The following SPART variants were observed in gnomAD, a reference collection of about 807,000 sequenced individuals.
The protein encoded by SPART is spastic paraplegia 20 (Troyer syndrome).
In SPART, 35 loss-of-function variants were observed where a neutral mutation model predicts 58.7. That is an observed-to-expected ratio of 0.60 (90% CI 0.46 to 0.79). The LOEUF is 0.79. Among genes scored for constraint, SPART ranks in the 30% least tolerant of loss-of-function variants. The pLI is 0.00. For missense variants in SPART, 730 were observed against 786.1 expected (o/e 0.93, Z 0.85); for synonymous variants, 284 against 280.7 (o/e 1.01, Z -0.12).
chr13:36,349,010 T>A (rs1218111307), upstream of SPART, among the ~76,000 whole-genome samples: 1 of 152,166 alleles, frequency 6.6e-6, no homozygotes, highest in Non-Finnish European at 1.5e-5. Flanking sequence ...ACACCTGTAA[T>A]CCCAGCACTT....
intron 5 of SPART, among the ~76,000 whole-genome samples, chr13:36,314,655 G>A (rs984205311): frequency 6.6e-6 from 1 of 152,200 alleles, no homozygotes; most frequent in African/African-American, 2.4e-5. Context: ...GAAGGCCTGA[G>A]ATTTAGTGGC....
intron 1 of SPART, among the ~76,000 whole-genome samples, chr13:36,357,150 G>A (rs763955084): frequency 1.3e-5 from 2 of 152,200 alleles, no homozygotes; most frequent in African/African-American, 4.8e-5. Context: ...GAGTGAGGCA[G>A]AGCGTGGATG....
At chr13:36,355,292 C>T (rs1421688452) in intron 1 of SPART, among the ~76,000 whole-genome samples, 3 of 152,148 alleles carry the variant, frequency 2.0e-5, no homozygotes, top group Non-Finnish European at 4.4e-5. Flanking sequence ...TCCTGAGTAA[C>T]TGGGATTACA....
At chr13:36,366,226 G>T (rs1593298737) in intron 1 of SPART, among the ~76,000 whole-genome samples, 1 of 152,236 alleles carries the variant, frequency 6.6e-6, no homozygotes, top group East Asian at 1.9e-4. Flanking sequence ...CTCCAGCTGT[G>T]CCACACTTTA....
intron 8 of SPART, chr13:36,308,288 G>A (rs982199645): frequency 5.3e-5 from 8 of 152,194 alleles, no homozygotes; most frequent in African/African-American, 1.9e-4. Flanking sequence ...GTATTACTTA[G>A]ATAAAATCTT....
chr13:36,305,318 C>T (rs1880409322), intron 8 of SPART, among the ~76,000 whole-genome samples: 1 of 152,118 alleles, frequency 6.6e-6, no homozygotes, highest in Non-Finnish European at 1.5e-5. Context: ...CCCACCTCCA[C>T]CTCTTGACAA....
intron 5 of SPART, among the ~76,000 whole-genome samples, chr13:36,325,624 G>T (rs1362976899): frequency 6.6e-6 from 1 of 152,174 alleles, no homozygotes; most frequent in Non-Finnish European, 1.5e-5. Flanking sequence ...AAATCAGAGA[G>T]TTACTACAGC....
At chr13:36,344,926 T>C (rs1308142353) in intron 1 of SPART, among the ~76,000 whole-genome samples, 1 of 152,206 alleles carries the variant, frequency 6.6e-6, no homozygotes, top group Non-Finnish European at 1.5e-5. Context: ...ATAAAACACA[T>C]TTATTTCAAC....
intron 1 of SPART, among the ~76,000 whole-genome samples, chr13:36,351,866 G>A (rs1885423448): frequency 6.6e-6 from 1 of 152,112 alleles, no homozygotes; most frequent in Non-Finnish European, 1.5e-5. Flanking sequence ...AATATTGTCA[G>A]TGGGTATTAG....
In SPART at chr13:36,302,804, G is replaced by A. The variant is rs1002689594; in HGVS notation, c.*1561C>T. The A allele has an allele frequency of 2.6e-5, 4 of 152,114 alleles. No individual in the cohort carries two copies. The highest frequency in any genetic ancestry group is 5.9e-5 in the Non-Finnish European group (4 of 67,984). 9.4% of individuals were successfully genotyped at this position (152,114 alleles called of 1,614,324 possible). On this transcript the variant is annotated 3_prime_UTR_variant, in exon 9 of 9. Coordinates refer to ENST00000438666, the MANE Select transcript of SPART (RefSeq NM_015087.5). The stretch of plus-strand genomic sequence containing the variant: ...TATTGTTGACTGTAGTCACCCTGTT[G>A]GGCTATCAAATACTACAACAAATTC...
intron 8 of SPART, among the ~76,000 whole-genome samples, chr13:36,307,460 A>G (rs1424965992): frequency 6.6e-6 from 1 of 152,154 alleles, no homozygotes; most frequent in African/African-American, 2.4e-5. Flanking sequence ...ACTATAGCAT[A>G]GTACCAAAAA....
chr13:36,318,344 C>T (rs554302688), intron 5 of SPART, among the ~76,000 whole-genome samples: 4 of 152,110 alleles, frequency 2.6e-5, no homozygotes, highest in South Asian at 2.1e-4. Flanking sequence ...AATCAGATAG[C>T]GTTTAGGCTC....
intron 1 of SPART, among the ~76,000 whole-genome samples, chr13:36,363,586 T>A (rs1885949236): frequency 6.6e-6 from 1 of 152,164 alleles, no homozygotes; most frequent in Non-Finnish European, 1.5e-5. Context: ...TTTTAGCTTA[T>A]GCAGTTGGTC....
intron 4 of SPART, among the ~76,000 whole-genome samples, chr13:36,328,716 A>G (rs1466224675): frequency 6.6e-6 from 1 of 152,198 alleles, no homozygotes; most frequent in Non-Finnish European, 1.5e-5. Context: ...AATATATTAC[A>G]TACTCAGAGC....
intron 4 of SPART, among the ~76,000 whole-genome samples, chr13:36,328,867 GCT>G (rs1883193742): frequency 6.6e-6 from 1 of 152,028 alleles, no homozygotes; most frequent in Admixed American, 6.6e-5. Context: ...TAGCCCCCAA[GCT>G]CTTAGTGAAT....
chr13:36,334,475 T>C (rs112860367), intron 2 of SPART, among the ~76,000 whole-genome samples: 21 of 152,146 alleles, frequency 1.4e-4, no homozygotes, highest in African/African-American at 4.3e-4. Context: ...CCTGTGAAAA[T>C]GTGTGGCAGC....
rs1052602731 is a variant in SPART, at chr13:36,304,128, A to G, written c.*237T>C. On this transcript the variant is annotated 3_prime_UTR_variant, in exon 9 of 9. Coordinates refer to ENST00000438666, the MANE Select transcript of SPART (RefSeq NM_015087.5). Reference sequence around the variant, plus strand: ...TTTTACCTGCAAAAATATTTTAGCTACACTTGGAAAAAAATAAACTTGAGA... The same window carrying G: ...TTTTACCTGCAAAAATATTTTAGCTGCACTTGGAAAAAAATAAACTTGAGA... 4.6e-5 allele frequency: 26 copies of G among 569,448 alleles called. No individual in the cohort carries two copies. The South Asian group carries it at 5.5e-4, about 12-fold the overall frequency. The allele number at this position is 569,448 out of a possible 1,614,324, so 35.3% of individuals were successfully genotyped here.
intron 8 of SPART, among the ~76,000 whole-genome samples, chr13:36,309,530 A>G (rs1880872820): frequency 6.6e-6 from 1 of 151,184 alleles, no homozygotes; most frequent in East Asian, 2.0e-4. Context: ...ATGCTAATAT[A>G]TACACCATGG....
chr13:36,337,230 G>C (rs186512826), intron 1 of SPART, among the ~76,000 whole-genome samples: 1 of 152,188 alleles, frequency 6.6e-6, no homozygotes, highest in African/African-American at 2.4e-5. Context: ...TCAGTATCAT[G>C]ATTAAATCTC....
Sources: allele counts gnomAD v4.1 joint callset (sites outside exome capture counted in the v4.1 genomes callset), GRCh38; gene constraint gnomAD v4.1.1; transcripts MANE v1.5; gene names NCBI Gene and HGNC (gene_info 2026-07-23, HGNC 2026-07-21).